GPLD1: variants seen among roughly 807,000 people sequenced by gnomAD.
The protein encoded by GPLD1 is phosphatidylinositol-glycan-specific phospholipase D.
GPLD1 carries 84 observed loss-of-function variants against 112.6 expected under a neutral mutation model. The ratio of observed to expected loss-of-function variants is 0.75; its 90% confidence interval spans 0.63 to 0.89. GPLD1 has a LOEUF of 0.89. Ranked by LOEUF, GPLD1 falls within the 40% of genes least tolerant of loss-of-function variation. The pLI is 0.00. For missense variants in GPLD1, 1,044 were observed against 1,051.5 expected, an observed-to-expected ratio of 0.99 and a Z score of 0.10; for synonymous variants, 386 against 403.8, an observed-to-expected ratio of 0.96 and a Z score of 0.53.
chr6:24,452,450 A>G (rs1484422907), intron 14 of GPLD1, among the ~76,000 whole-genome samples: 1 of 152,182 alleles, frequency 6.6e-6, no homozygotes, highest in Non-Finnish European at 1.5e-5. Context: ...AGCCTAAACT[A>G]GATCATAAAT....
At chr6:24,491,411 G>A (rs1764555937), upstream of GPLD1, among the ~76,000 whole-genome samples, 1 of 152,044 alleles carries the variant, frequency 6.6e-6, no homozygotes, top group African/African-American at 2.4e-5. Context: ...CAAAGAAATG[G>A]GTTCAGAACA....
chr6:24,466,866 T>C (rs1391333773), intron 9 of GPLD1, 46 bp downstream of exon 9: 3 of 1,596,642 alleles, frequency 1.9e-6, no homozygotes, highest in Non-Finnish European at 2.6e-6. Flanking sequence ...GTACTATTCC[T>C]GGTATCTTTA....
At chr6:24,494,462 G>C (rs1397089499), upstream of GPLD1, among the ~76,000 whole-genome samples, 1 of 152,148 alleles carries the variant, frequency 6.6e-6, no homozygotes, top group Non-Finnish European at 1.5e-5. Flanking sequence ...CGACCCCTCA[G>C]AGAACGATCG....
At chr6:24,484,293 C>G (rs1252787431) in intron 2 of GPLD1, among the ~76,000 whole-genome samples, 2 of 151,768 alleles carry the variant, frequency 1.3e-5, no homozygotes, top group Admixed American at 1.3e-4. Context: ...CTCACTTCAG[C>G]CTCTACCTCC....
At chr6:24,467,583 A>G (rs1763660411) in intron 7 of GPLD1, among the ~76,000 whole-genome samples, 2 of 152,192 alleles carry the variant, frequency 1.3e-5, no homozygotes, top group African/African-American at 2.4e-5. Context: ...AACTAACTAT[A>G]ACGTACAAAA....
chr6:24,433,471 AC>A lies in GPLD1; in HGVS notation c.2359-83del, dbSNP rs1214342089. On this transcript the variant is annotated intron_variant, in intron 22 of 24. Coordinates refer to ENST00000230036, the MANE Select transcript of GPLD1 (RefSeq NM_001503.4). Reference sequence around the variant, plus strand: ...AAATCAATTTTAATTATACCCTTATACCCTCATTTCTACTTTTTTTTTTTTT... The same window carrying A: ...AAATCAATTTTAATTATACCCTTATACCTCATTTCTACTTTTTTTTTTTTT... 1.6e-5 allele frequency: 14 copies of A among 851,090 alleles called. No homozygotes were observed. In the African/African-American group the frequency reaches 1.9e-4, roughly 11 times the overall value. The allele number at this position is 851,090 out of a possible 1,614,324, so 52.7% of individuals were successfully genotyped here.
intron 20 of GPLD1, among the ~76,000 whole-genome samples, chr6:24,437,949 G>A (rs575626069): frequency 8.5e-4 from 130 of 152,228 alleles, no homozygotes; most frequent in African/African-American, 2.9e-3. Context: ...TAATAACACC[G>A]AGTCCAGTGG....
intron 20 of GPLD1, among the ~76,000 whole-genome samples, chr6:24,443,189 T>A (rs1762801198): frequency 6.6e-6 from 1 of 152,090 alleles, no homozygotes; most frequent in Admixed American, 6.6e-5. Flanking sequence ...AAATGAAAAC[T>A]TGAAGCAAAA....
chr6:24,462,225 T>C (rs769201967), intron 11 of GPLD1, among the ~76,000 whole-genome samples: 3 of 152,112 alleles, frequency 2.0e-5, no homozygotes, highest in Admixed American at 1.3e-4. Context: ...CTCGAACTCC[T>C]AGGCTCAAGC....
intron 12 of GPLD1, among the ~76,000 whole-genome samples, chr6:24,456,957 G>GC (rs1453859635): frequency 6.6e-6 from 1 of 152,100 alleles, no homozygotes. Context: ...TGCAACCTCC[G>GC]CCCCCTGGGT....
chr6:24,429,862 G>A (rs1449012005), intron 24 of GPLD1, among the ~76,000 whole-genome samples: 1 of 152,130 alleles, frequency 6.6e-6, no homozygotes, highest in Non-Finnish European at 1.5e-5. Flanking sequence ...AATATTTTCA[G>A]TGGTGGCAAA....
intron 24 of GPLD1, among the ~76,000 whole-genome samples, chr6:24,431,872 A>G (rs1264369112): frequency 6.6e-6 from 1 of 152,038 alleles, no homozygotes; most frequent in Non-Finnish European, 1.5e-5. Context: ...CGAAATTTAA[A>G]CTGTGTACAC....
intron 8 of GPLD1, 95 bp from the exon 9 acceptor site, chr6:24,467,034 C>A: frequency 8.4e-7 from 1 of 1,193,310 alleles, no homozygotes; most frequent in Non-Finnish European, 1.2e-6. Flanking sequence ...CCCTTTTCCA[C>A]CGTCATGCAA....
intron 6 of GPLD1, 101 bp from the exon 7 acceptor site, chr6:24,472,737 C>A: frequency 1.4e-6 from 1 of 710,418 alleles, no homozygotes; most frequent in Admixed American, 2.1e-5. Flanking sequence ...TAGTTTTTCA[C>A]ATTATTACAT....
intron 1 of GPLD1, among the ~76,000 whole-genome samples, chr6:24,487,368 C>A (rs534556478): frequency 3.3e-4 from 50 of 151,980 alleles, no homozygotes; most frequent in Non-Finnish European, 2.1e-4. Context: ...TAAAAAAATT[C>A]TCAGAATCCG....
At chr6:24,492,536 A>T (rs997975834), upstream of GPLD1, among the ~76,000 whole-genome samples, 1 of 151,574 alleles carries the variant, frequency 6.6e-6, no homozygotes, top group Admixed American at 6.6e-5. Context: ...AAGTGAAAGA[A>T]AAAAAAGAAA....
intron 7 of GPLD1, 142 bp downstream of exon 7, chr6:24,472,440 A>T (rs1763855919): frequency 1.8e-6 from 1 of 569,290 alleles, no homozygotes; most frequent in Non-Finnish European, 3.1e-6. Flanking sequence ...AATCTAAACT[A>T]TGCTAATATG....
chr6:24,490,767 AAAG>A (rs1764536040), upstream of GPLD1, among the ~76,000 whole-genome samples: 1 of 151,918 alleles, frequency 6.6e-6, no homozygotes, highest in South Asian at 2.1e-4. Flanking sequence ...AAAAAAAAGA[AAAG>A]AAAAAAAGAA....
At chr6:24,491,046 A>T (rs369151220), upstream of GPLD1, among the ~76,000 whole-genome samples, 77 of 152,300 alleles carry the variant, frequency 5.1e-4, 1 homozygote, top group African/African-American at 1.8e-3. Flanking sequence ...GCTCTCTTAA[A>T]AACAAAAGAA....
Sources: allele counts gnomAD v4.1 joint callset (sites outside exome capture counted in the v4.1 genomes callset), GRCh38; gene constraint gnomAD v4.1.1; transcripts MANE v1.5; gene names NCBI Gene and HGNC (gene_info 2026-07-23, HGNC 2026-07-21).